KDM4C: variants seen among roughly 807,000 people sequenced by gnomAD.
KDM4C encodes lysine-specific demethylase 4C.
A neutral mutation model predicts 129.3 loss-of-function variants in KDM4C; 81 were observed. The observed-to-expected ratio is 0.63, with a 90% confidence interval of 0.52 to 0.75. KDM4C has a LOEUF of 0.75. Among genes scored for constraint, KDM4C ranks in the 30% least tolerant of loss-of-function variants. The pLI, the probability that KDM4C is intolerant of heterozygous loss-of-function variation, is 0.00. For synonymous variants in KDM4C, 573 were observed against 456.1 expected (o/e 1.26, Z -3.26); for missense variants, 1,457 against 1,304.0 (o/e 1.12, Z -1.81).
intron 1 of KDM4C, among the ~76,000 whole-genome samples, chr9:6,751,392 G>A (rs1818058931): frequency 6.6e-6 from 1 of 152,148 alleles, no homozygotes; most frequent in South Asian, 2.1e-4. Flanking sequence ...GTTGCAGTGA[G>A]CCAAGATTGC....
intron 15 of KDM4C, among the ~76,000 whole-genome samples, chr9:7,031,997 T>C (rs959333544): frequency 1.3e-5 from 2 of 152,224 alleles, no homozygotes; most frequent in Non-Finnish European, 2.9e-5. Flanking sequence ...TTAGTCTACT[T>C]TCCAACCTTA....
intron 19 of KDM4C, among the ~76,000 whole-genome samples, chr9:7,155,734 A>G (rs1843100491): frequency 6.6e-6 from 1 of 152,208 alleles, no homozygotes; most frequent in Non-Finnish European, 1.5e-5. Context: ...TATATGTGCC[A>G]CATTTTCTTA....
exon 1 of KDM4C, chr9:6,720,899 G>A: frequency 1.3e-6 from 2 of 1,507,284 alleles, no homozygotes; most frequent in African/African-American, 1.4e-5. Flanking sequence ...GAAAGTTGTT[G>A]AATAGTTGGA....
intron 18 of KDM4C, among the ~76,000 whole-genome samples, chr9:7,127,295 A>C (rs1329045883): frequency 6.6e-6 from 1 of 152,226 alleles, no homozygotes; most frequent in East Asian, 1.9e-4. Context: ...TAATAGAAAA[A>C]TAGTAATTAA....
At chr9:6,811,222 C>T (rs564071273) in intron 3 of KDM4C, among the ~76,000 whole-genome samples, 55 of 152,146 alleles carry the variant, frequency 3.6e-4, no homozygotes, top group African/African-American at 1.2e-3. Flanking sequence ...GGCGTGATCT[C>T]GGCTCACTGC....
intron 8 of KDM4C, chr9:6,978,997 G>A (rs573179306): frequency 1.3e-5 from 2 of 152,154 alleles, no homozygotes; most frequent in South Asian, 4.1e-4. Flanking sequence ...TACCTCACCA[G>A]CTTATCTGCC....
chr9:6,762,491 A>G (rs1237281615), intron 1 of KDM4C, among the ~76,000 whole-genome samples: 2 of 151,882 alleles, frequency 1.3e-5, no homozygotes, highest in Non-Finnish European at 2.9e-5. Flanking sequence ...TATTTCTGTT[A>G]TGAATTTCTT....
intron 8 of KDM4C, among the ~76,000 whole-genome samples, chr9:6,909,424 C>A (rs565020288): frequency 1.3e-5 from 2 of 152,282 alleles, no homozygotes; most frequent in Admixed American, 1.3e-4. Context: ...ACCATCTGAT[C>A]TAGCACATCC....
intron 19 of KDM4C, 69 bp downstream of exon 19, chr9:7,128,305 C>T (rs573547058): frequency 1.7e-5 from 22 of 1,293,652 alleles, no homozygotes; most frequent in Non-Finnish European, 9.2e-6. Context: ...TAACTGAGCC[C>T]TTCAGAATTT....
intron 1 of KDM4C, among the ~76,000 whole-genome samples, chr9:6,751,293 A>C (rs369660487): frequency 6.6e-6 from 1 of 152,202 alleles, no homozygotes; most frequent in African/African-American, 2.4e-5. Context: ...AAAAAATACA[A>C]AAATTAGCCA....
At chr9:6,773,442 C>G (rs910273365) in intron 1 of KDM4C, among the ~76,000 whole-genome samples, 3 of 152,116 alleles carry the variant, frequency 2.0e-5, no homozygotes, top group Non-Finnish European at 4.4e-5. Context: ...ATGAGCTACA[C>G]TTGATTGTCC....
At chr9:6,842,312 C>CTTTT (rs759138371) in intron 4 of KDM4C, among the ~76,000 whole-genome samples, 212 of 97,862 alleles carry the variant, frequency 2.2e-3, no homozygotes, top group Middle Eastern at 7.6e-3. Context: ...ATCCACATTT[C>CTTTT]TTTTTTTTTT....
Position 6,834,796 on chromosome 9 carries a change from C to T in KDM4C, c.436-14711C>T. 6 of 1,355,242 alleles carry T rather than the reference C, an allele frequency of 4.4e-6. 1 individual carries two copies. The highest frequency in any genetic ancestry group is 2.3e-5 in the South Asian group (2 of 85,540). 84.0% of individuals were successfully genotyped at this position (1,355,242 alleles called of 1,614,324 possible). ...CCGAGGCCCCCCTGAACCCCAAGGC[C>T]AGCCGCGAGAAGATGACCCAGATCA... On this transcript the variant is annotated intron_variant, in intron 4 of 21. Coordinates refer to ENST00000381309, the MANE Select transcript of KDM4C (RefSeq NM_015061.6).
chr9:6,765,823 C>CT (rs1352363687), intron 1 of KDM4C, among the ~76,000 whole-genome samples: 1 of 152,186 alleles, frequency 6.6e-6, no homozygotes, highest in East Asian at 1.9e-4. Context: ...GAGTCTTTCT[C>CT]TGTCACCCAG....
At chr9:6,991,386 A>G (rs1315236480) in intron 12 of KDM4C, among the ~76,000 whole-genome samples, 1 of 152,112 alleles carries the variant, frequency 6.6e-6, no homozygotes, top group Non-Finnish European at 1.5e-5. Flanking sequence ...ATGCCTGGTT[A>G]CCCTTCTCAC....
chr9:6,749,179 C>T (rs1748421727), intron 1 of KDM4C, among the ~76,000 whole-genome samples: 1 of 152,142 alleles, frequency 6.6e-6, no homozygotes, highest in Non-Finnish European at 1.5e-5. Context: ...ACCACCACGC[C>T]CGGCTAATTT....
intron 8 of KDM4C, among the ~76,000 whole-genome samples, chr9:6,976,111 C>G (rs1413455019): frequency 6.6e-6 from 1 of 152,118 alleles, no homozygotes; most frequent in African/African-American, 2.4e-5. Flanking sequence ...CGTATCTGAA[C>G]TTGCACAGAT....
intron 8 of KDM4C, chr9:6,924,907 A>C: frequency 2.0e-6 from 2 of 984,874 alleles, no homozygotes; most frequent in Non-Finnish European, 2.4e-6. Context: ...TGTTGGTCAG[A>C]GTACAGCCTT....
intron 1 of KDM4C, among the ~76,000 whole-genome samples, chr9:6,767,349 G>C (rs1262426740): frequency 6.6e-6 from 1 of 151,730 alleles, no homozygotes; most frequent in African/African-American, 2.4e-5. Flanking sequence ...CACCACGTTC[G>C]GCAGGATGGT....
Sources: gnomAD v4.1 joint callset for allele counts (sites outside exome capture counted in the v4.1 genomes callset) on GRCh38, gnomAD v4.1.1 for gene constraint, MANE v1.5 for transcripts, NCBI Gene and HGNC (gene_info 2026-07-23, HGNC 2026-07-21) for gene names.